Variants in ABCA4 observed in about 807,000 individuals in gnomAD.
ABCA4 encodes ATP binding cassette subfamily A member 4.
A neutral mutation model predicts 263.7 loss-of-function variants in ABCA4; 196 were observed. That is an observed-to-expected ratio of 0.74 (90% CI 0.66 to 0.84). The LOEUF (loss-of-function observed/expected upper bound fraction) is 0.84. ABCA4 is among the 40% of genes least tolerant of loss of function. ABCA4 has a pLI of 0.00. For missense variants in ABCA4, 2,792 were observed against 2,855.1 expected, an observed-to-expected ratio of 0.98 and a Z score of 0.50; for synonymous variants, 1,133 against 1,094.2, an observed-to-expected ratio of 1.04 and a Z score of -0.70.
chr1:94,033,628 C>A (rs1220734111), intron 26 of ABCA4, among the ~76,000 whole-genome samples: 2 of 152,142 alleles, frequency 1.3e-5, no homozygotes, highest in African/African-American at 4.8e-5. Context: ...GGTTGGTCCC[C>A]AGCTGCTTTC....
chr1:94,001,048 C>T lies in ABCA4; in HGVS notation c.6340G>A (p.Val2114Met), dbSNP rs202127235. The T allele has an allele frequency of 1.2e-4, 187 of 1,614,172 alleles. No homozygotes were observed. The highest frequency in any genetic ancestry group is 1.6e-4 in the East Asian group (7 of 44,864). ...GCCCTCCCTTCTCTGATGATGCTCACGATGACGTTCCACAGCATGCGGCGT... is the reference window on the plus strand; with the variant it reads ...GCCCTCCCTTCTCTGATGATGCTCATGATGACGTTCCACAGCATGCGGCGT... The part of the protein sequence containing the change: ...QARRMLWNVI[V>M]SIIREGRAVV... The change falls in exon 46 of 50, where the codon GTG (valine) becomes ATG (methionine). Residue 2114 changes from valine (V) to methionine (M), a missense_variant. By Grantham distance (21) the Val-to-Met change is conservative. Coordinates refer to ENST00000370225, the MANE Select transcript of ABCA4 (RefSeq NM_000350.3).
chr1:94,090,075 C>A (rs1438949030), intron 6 of ABCA4, among the ~76,000 whole-genome samples: 1 of 152,066 alleles, frequency 6.6e-6, no homozygotes, highest in Non-Finnish European at 1.5e-5. Context: ...ACCGTTTCCA[C>A]TAATGGGCAC....
chr1:94,033,883 C>T lies in ABCA4; in HGVS notation c.3863-1840G>A, dbSNP rs540502207. 2.7e-3 allele frequency among the ~76,000 whole-genome samples: 412 copies of T among 152,196 alleles called. 4 individuals are homozygous for T. The highest frequency in any genetic ancestry group is 9.7e-3 in the African/African-American group (401 of 41,522). ...AGATTTGATGTCTTCTATGGCTGGC[C>T]CTCCCTCTGGGAGGATCCCTACTGC... is the stretch of plus-strand genomic sequence containing the variant. On this transcript the variant is annotated intron_variant, in intron 26 of 49. Coordinates refer to ENST00000370225, the MANE Select transcript of ABCA4 (RefSeq NM_000350.3).
chr1:94,077,572 T>C, intron 11 of ABCA4, 118 bp downstream of exon 11: 1 of 959,112 alleles, frequency 1.0e-6, no homozygotes, highest in South Asian at 1.7e-5. Context: ...GGATTCTTGT[T>C]TCTTCAGTGG....
rs1660946230 is a variant in ABCA4, at chr1:94,055,316, C to T, written c.2383-1G>A. 6.2e-7 allele frequency: 1 copy of T among 1,613,934 alleles called. No homozygotes were observed. ...CAAATGCCACCGGAGACAGTAAGCT[C>T]TGCAGTGAGGCGGAGAGGGCACAGA... On this transcript the variant is annotated splice_acceptor_variant, in intron 15 of 49. Transcript: ENST00000370225. LOFTEE classifies it high-confidence loss of function.
chr1:94,038,063 T>C (rs190151383), intron 24 of ABCA4, among the ~76,000 whole-genome samples: 16 of 152,032 alleles, frequency 1.1e-4, no homozygotes, highest in Non-Finnish European at 2.9e-5. Context: ...TCTCAGAAGA[T>C]TGCACAGTTT....
intron 30 of ABCA4, among the ~76,000 whole-genome samples, chr1:94,027,026 G>A (rs1382659983): frequency 6.6e-6 from 1 of 151,960 alleles, no homozygotes; most frequent in Non-Finnish European, 1.5e-5. Context: ...GAGATAAAGA[G>A]TAAGAGATAG....
chr1:94,011,239 C>CA, intron 39 of ABCA4, 23 bp downstream of exon 39: 4 of 1,613,964 alleles, frequency 2.5e-6, no homozygotes, highest in Non-Finnish European at 3.4e-6. Context: ...GCCCATGCTC[C>CA]ATGGGCCTCG....
At position 94,011,259 on chromosome 1, in the gene ABCA4, C is replaced by T; in HGVS notation, c.5584+3G>A. 1 of 1,614,054 alleles carries T rather than the reference C, an allele frequency of 6.2e-7. No homozygotes were observed. The highest frequency in any genetic ancestry group is 1.1e-5 in the South Asian group (1 of 91,068). On this transcript the variant is annotated splice_donor_region_variant and intron_variant, in intron 39 of 49. Coordinates refer to ENST00000370225, the MANE Select transcript of ABCA4 (RefSeq NM_000350.3). ...TGCTCCATGGGCCTCGGCTACCACC[C>T]ACCAAACCGGGCATAGACATCTGTC...
chr1:94,105,596 C>G (rs1045313656), intron 4 of ABCA4, among the ~76,000 whole-genome samples: 1 of 145,714 alleles, frequency 6.9e-6, no homozygotes, highest in Admixed American at 6.8e-5. Context: ...TGTTCCCTTC[C>G]CTGGGAAGAT....
At chr1:94,112,929 C>A (rs1249756227) in intron 2 of ABCA4, 44 bp downstream of exon 2, 3 of 1,509,302 alleles carry the variant, frequency 2.0e-6, no homozygotes, top group Non-Finnish European at 2.8e-6. Context: ...AGGCCCAGAC[C>A]AAAGTCTCTT....
At chr1:94,076,527 A>C (rs146910679) in intron 11 of ABCA4, among the ~76,000 whole-genome samples, 6 of 152,216 alleles carry the variant, frequency 3.9e-5, no homozygotes, top group African/African-American at 1.4e-4. Context: ...CAATGAAAAC[A>C]GCATTTGCAA....
rs749543290 is a variant in ABCA4, at chr1:94,021,245, A to C, written c.5013T>G (p.Ile1671Met). The change falls in exon 35 of 50, where the codon ATT becomes ATG. Residue 1671 changes from isoleucine to methionine, a missense_variant. By Grantham distance (10) the Ile-to-Met change is conservative. Transcript: ENST00000370225. Reference sequence around the variant, plus strand: ...CTGGGGCTGTGGTGGCTTACACTGTAATCTCTGAGAGCTGCTCCTTGGTCA... The same window carrying C: ...CTGGGGCTGTGGTGGCTTACACTGTCATCTCTGAGAGCTGCTCCTTGGTCA... ...LNLTKEQLSE[I>M]TVLTTSVDAV... 6.2e-7 allele frequency: 1 copy of C among 1,614,092 alleles called. No homozygotes were observed. Among genetic ancestry groups the C allele is most frequent in the African/African-American group, 1.3e-5 (1 of 74,926 alleles).
At chr1:94,069,409 G>A (rs965026220) in intron 11 of ABCA4, among the ~76,000 whole-genome samples, 1 of 152,178 alleles carries the variant, frequency 6.6e-6, no homozygotes, top group South Asian at 2.1e-4. Context: ...ATATTTTGAC[G>A]AATACATCCA....
intron 11 of ABCA4, among the ~76,000 whole-genome samples, chr1:94,066,150 T>G (rs534513663): frequency 6.6e-6 from 1 of 152,234 alleles, no homozygotes; most frequent in Non-Finnish European, 1.5e-5. Context: ...GCATCTAATA[T>G]GTAGACTGTT....
In ABCA4 at chr1:94,025,825, G is replaced by A. The variant is rs549244799; in HGVS notation, c.4540-777C>T. On this transcript the variant is annotated intron_variant, in intron 30 of 49. Coordinates refer to ENST00000370225, the MANE Select transcript of ABCA4 (RefSeq NM_000350.3). ...GTATTTGTATCTGTAATCCCCCGTA[G>A]GATATCATTTTGGTGAGAGCAGGGA... 5.3e-5 allele frequency among the ~76,000 whole-genome samples: 8 copies of A among 152,248 alleles called. No homozygotes were observed. The South Asian group carries it at 1.7e-3, about 32-fold the overall frequency.
chr1:94,109,037 G>A (rs1005193275), intron 3 of ABCA4, among the ~76,000 whole-genome samples: 2 of 152,176 alleles, frequency 1.3e-5, no homozygotes, highest in Non-Finnish European at 2.9e-5. Flanking sequence ...CTCCCAAAGT[G>A]CTGGGATTAC....
chr1:94,055,408 A>G, intron 15 of ABCA4, 93 bp from the exon 16 acceptor site: 1 of 1,261,344 alleles, frequency 7.9e-7, no homozygotes, highest in South Asian at 1.3e-5. Flanking sequence ...GGGAGGGCCA[A>G]AAGAGGGTCC....
intron 11 of ABCA4, 59 bp downstream of exon 11, chr1:94,077,631 C>G (rs1570405175): frequency 1.3e-6 from 2 of 1,490,850 alleles, no homozygotes; most frequent in South Asian, 2.6e-5. Flanking sequence ...TAAGGGAGCT[C>G]TGGCCCCACT....
Sources: allele counts gnomAD v4.1 joint callset (sites outside exome capture counted in the v4.1 genomes callset), GRCh38; gene constraint gnomAD v4.1.1; transcripts MANE v1.5; gene names NCBI Gene and HGNC (gene_info 2026-07-23, HGNC 2026-07-21).